Variants in POPDC3 observed in about 807,000 individuals in gnomAD.
The protein encoded by POPDC3 is popeye domain-containing protein 3.
POPDC3 carries 20 observed loss-of-function variants against 28.2 expected under a neutral mutation model. That is an observed-to-expected ratio of 0.71 (90% CI 0.50 to 1.03). POPDC3 has a LOEUF of 1.03. Ranked by LOEUF, POPDC3 falls within the 50% of genes least tolerant of loss-of-function variation. The pLI is 0.00. For missense variants in POPDC3, 316 were observed against 345.9 expected (o/e 0.91, Z 0.69); for synonymous variants, 118 against 124.1 (o/e 0.95, Z 0.33).
chr6:105,159,218 A>G (rs1019496524), intron 3 of POPDC3, among the ~76,000 whole-genome samples: 4 of 152,258 alleles, frequency 2.6e-5, no homozygotes, highest in Non-Finnish European at 4.4e-5. Flanking sequence ...AACAAAATAA[A>G]TGAAACCTGC....
chr6:105,176,412 A>C (rs927111158), intron 1 of POPDC3, among the ~76,000 whole-genome samples: 1 of 152,194 alleles, frequency 6.6e-6, no homozygotes, highest in African/African-American at 2.4e-5. Flanking sequence ...CAAAAAATAC[A>C]CTGTTGAGTT....
chr6:105,160,624 G>A (rs1255948086), intron 2 of POPDC3, among the ~76,000 whole-genome samples: 2 of 151,910 alleles, frequency 1.3e-5, no homozygotes, highest in Non-Finnish European at 2.9e-5. Context: ...ATAGAGTCTC[G>A]TTCTGTTGCT....
chr6:105,177,972 G>C (rs1208432418), intron 1 of POPDC3, among the ~76,000 whole-genome samples: 1 of 152,166 alleles, frequency 6.6e-6, no homozygotes, highest in Admixed American at 6.5e-5. Flanking sequence ...AATTTTCCTT[G>C]TAAGACTTTT....
intron 1 of POPDC3, chr6:105,168,725 G>C (rs1397184393): frequency 6.6e-6 from 1 of 152,200 alleles, no homozygotes; most frequent in African/African-American, 2.4e-5. Context: ...TTATGATTAT[G>C]TTAAGTTATA....
rs142753011 is a variant in POPDC3 at position 105,158,011 on chromosome 6, AAAAT to A, written c.*455_*458del. ...AGTCGCATCAAGTAACTGCACATTTAAAATAAATAATTGCTTTCACTGGAGGTTG... is the reference window on the plus strand; with the variant it reads ...AGTCGCATCAAGTAACTGCACATTTAAAATAATTGCTTTCACTGGAGGTTG... On this transcript the variant is annotated 3_prime_UTR_variant, in exon 4 of 4. Transcript: ENST00000254765. 0.75 allele frequency among the ~76,000 whole-genome samples: 114,076 copies of A among 151,938 alleles called. 45,992 individuals carry two copies. Among genetic ancestry groups the A allele is most frequent in the Non-Finnish European group, 0.88 (59,922 of 67,942 alleles).
At chr6:105,176,745 C>T (rs1442218384) in intron 1 of POPDC3, among the ~76,000 whole-genome samples, 3 of 151,884 alleles carry the variant, frequency 2.0e-5, no homozygotes, top group African/African-American at 4.8e-5. Flanking sequence ...TTAGTAGAGA[C>T]ACGGGGTTTC....
intron 1 of POPDC3, among the ~76,000 whole-genome samples, chr6:105,175,039 C>T (rs566841190): frequency 4.0e-5 from 6 of 151,752 alleles, no homozygotes; most frequent in East Asian, 3.9e-4. Context: ...TGGTGGCACA[C>T]GCCTGTAATC....
At chr6:105,168,553 T>C (rs1318748333) in intron 1 of POPDC3, among the ~76,000 whole-genome samples, 5 of 152,246 alleles carry the variant, frequency 3.3e-5, no homozygotes, top group Non-Finnish European at 5.9e-5. Context: ...CATACAGTGG[T>C]AGGCAGAATT....
intron 1 of POPDC3, among the ~76,000 whole-genome samples, chr6:105,171,913 G>T (rs923589509): frequency 1.1e-4 from 16 of 150,930 alleles, no homozygotes; most frequent in African/African-American, 3.7e-4. Flanking sequence ...TAAACTCCCA[G>T]ACTCAAGTAA....
At chr6:105,166,747 T>A (rs893122988) in intron 1 of POPDC3, 1 of 442,928 alleles carries the variant, frequency 2.3e-6, no homozygotes, top group Non-Finnish European at 4.7e-6. Context: ...CTACATAGCC[T>A]CCATCATAGA....
intron 1 of POPDC3, among the ~76,000 whole-genome samples, chr6:105,171,755 CTATT>C (rs1774582666): frequency 7.0e-6 from 1 of 142,388 alleles, no homozygotes; most frequent in Non-Finnish European, 1.6e-5. Flanking sequence ...AATGTTAACA[CTATT>C]TAAGTCCAGT....
At chr6:105,170,378 C>G (rs1774551691) in intron 1 of POPDC3, among the ~76,000 whole-genome samples, 1 of 152,110 alleles carries the variant, frequency 6.6e-6, no homozygotes, top group Non-Finnish European at 1.5e-5. Context: ...TCTAAGTGAC[C>G]TATATGCAGA....
At chr6:105,178,879 T>C (rs1346370705) in intron 1 of POPDC3, 2 of 985,430 alleles carry the variant, frequency 2.0e-6, no homozygotes, top group Non-Finnish European at 2.4e-6. Context: ...AATAATTTTT[T>C]AAGGCTGCTA....
intron 2 of POPDC3, among the ~76,000 whole-genome samples, chr6:105,160,356 C>T (rs947534947): frequency 5.3e-5 from 8 of 152,040 alleles, no homozygotes; most frequent in South Asian, 2.1e-4. Flanking sequence ...GGATTACAAG[C>T]GTGCACTACG....
chr6:105,158,649 C>T lies in POPDC3; in HGVS notation c.697G>A (p.Val233Met). Reference sequence around the variant, plus strand: ...TCTGCAATGTCACTGCCAATTAGCACTGAAAAAAGGCGGGAGATGTAGCGA... The same window carrying T: ...TCTGCAATGTCACTGCCAATTAGCATTGAAAAAAGGCGGGAGATGTAGCGA... ...QHRYISRLFS[V>M]LIGSDIADKL... The change falls in exon 4 of 4, where the codon GTG (valine) becomes ATG (methionine). Residue 233 changes from valine to methionine, a missense_variant. Val to Met is a conservative substitution (Grantham distance 21). Transcript: ENST00000254765. 1 of 1,614,050 alleles carries T rather than the reference C, an allele frequency of 6.2e-7. No individual in the cohort carries two copies. The highest frequency in any genetic ancestry group is 8.5e-7 in the Non-Finnish European group (1 of 1,179,988).
Position 105,158,563 on chromosome 6 carries a change from C to A in POPDC3, c.783G>T (p.Arg261=), listed in dbSNP as rs1396824784. The A allele has an allele frequency of 6.2e-7, 1 of 1,614,004 alleles. No individual in the cohort carries two copies. Among genetic ancestry groups the A allele is most frequent in the Admixed American group, 1.7e-5 (1 of 60,004 alleles). ...TTGACATTTGATAGAAGTTGGGTAG[C>A]CGAATATCATAGTGATATCTTTTTC... ...YIGKRYHYDI[R]LPNFYQMSTP... The change falls in exon 4 of 4, where the codon CGG becomes CGT. Residue 261 remains arginine (R), a synonymous_variant. Coordinates refer to ENST00000254765, the MANE Select transcript of POPDC3 (RefSeq NM_022361.5).
chr6:105,178,595 C>G (rs1256620473), intron 1 of POPDC3: 2 of 198,434 alleles, frequency 1.0e-5, no homozygotes, highest in Admixed American at 1.4e-4. Flanking sequence ...CACACACACA[C>G]ACACACACAC....
chr6:105,169,138 A>C (rs1262409340), intron 1 of POPDC3: 1 of 152,240 alleles, frequency 6.6e-6, no homozygotes, highest in Non-Finnish European at 1.5e-5. Flanking sequence ...AAAACTAAAC[A>C]CACACATAAA....
At position 105,179,823 on chromosome 6, in the gene POPDC3, AC is replaced by A. The variant is rs1193551137; in HGVS notation, c.-252+9del. Reference sequence around the variant, plus strand: ...CGGCGGACGCAGCGCCCCCGGGCTCACCTTCTTACCTTTCCTTCCCAGCCCT... The same window carrying A: ...CGGCGGACGCAGCGCCCCCGGGCTCACTTCTTACCTTTCCTTCCCAGCCCT... On this transcript the variant is annotated intron_variant, in intron 1 of 3. Coordinates refer to ENST00000254765, the MANE Select transcript of POPDC3 (RefSeq NM_022361.5). 2 of 152,078 alleles carry A rather than the reference AC, an allele frequency of 1.3e-5. No homozygotes were observed. The highest frequency in any genetic ancestry group is 4.8e-5 in the African/African-American group (2 of 41,416). The allele number at this position is 152,078 out of a possible 1,614,324, so 9.4% of individuals were successfully genotyped here. A position where few individuals can be genotyped will look rare whatever the true frequency, so the allele number is the denominator to read the frequency against.
Sources: allele counts gnomAD v4.1 joint callset (sites outside exome capture counted in the v4.1 genomes callset), GRCh38; gene constraint gnomAD v4.1.1; transcripts MANE v1.5; gene names NCBI Gene and HGNC (gene_info 2026-07-23, HGNC 2026-07-21).